The following ZNF385D variants were observed in gnomAD, a reference collection of about 807,000 sequenced individuals.
The protein encoded by ZNF385D is zinc finger protein 385D.
In ZNF385D, 15 loss-of-function variants were observed where a neutral mutation model predicts 35.8. The ratio of observed to expected loss-of-function variants is 0.42; its 90% CI spans 0.28 to 0.64. The LOEUF is 0.64. Among genes scored for constraint, ZNF385D ranks in the 30% least tolerant of loss-of-function variants. The probability of loss-of-function intolerance (pLI) is 0.23; values close to 1 mark genes in which losing one functional copy is unlikely to be tolerated. For synonymous variants in ZNF385D, 212 were observed against 186.8 expected (o/e 1.13, Z -1.10); for missense variants, 474 against 494.6 (o/e 0.96, Z 0.39).
At chr3:22,028,400 C>T (rs1218989143) in intron 3 of ZNF385D, among the ~76,000 whole-genome samples, 4 of 152,176 alleles carry the variant, frequency 2.6e-5, no homozygotes, top group African/African-American at 7.2e-5. Flanking sequence ...GCAACATGTA[C>T]TTCCACTCAC....
intron 3 of ZNF385D, among the ~76,000 whole-genome samples, chr3:22,137,111 T>C (rs1385748627): frequency 6.6e-6 from 1 of 152,176 alleles, no homozygotes; most frequent in Admixed American, 6.6e-5. Flanking sequence ...CCTAAACTAA[T>C]ATTTGGGGAG....
chr3:21,527,596 C>T (rs1164052277), intron 3 of ZNF385D, among the ~76,000 whole-genome samples: 1 of 152,094 alleles, frequency 6.6e-6, no homozygotes, highest in East Asian at 1.9e-4. Context: ...ATAGAAATAT[C>T]ATTAACTTCA....
At chr3:21,931,092 A>C (rs1057186210) in intron 3 of ZNF385D, among the ~76,000 whole-genome samples, 12 of 152,180 alleles carry the variant, frequency 7.9e-5, no homozygotes, top group East Asian at 7.7e-4. Context: ...TATATAAAGA[A>C]ATTTTTCAAT....
At chr3:21,680,038 G>A (rs1056981349) in intron 1 of ZNF385D, among the ~76,000 whole-genome samples, 14 of 152,022 alleles carry the variant, frequency 9.2e-5, no homozygotes, top group African/African-American at 2.2e-4. Flanking sequence ...AATCTGGGAC[G>A]TAAATATTTA....
chr3:21,833,084 A>G (rs182440572), intron 3 of ZNF385D, among the ~76,000 whole-genome samples: 178 of 152,274 alleles, frequency 1.2e-3, no homozygotes, highest in African/African-American at 4.0e-3. Context: ...TCATTCATCA[A>G]TCAACGAATA....
intron 3 of ZNF385D, among the ~76,000 whole-genome samples, chr3:21,765,572 G>A (rs764688319): frequency 1.3e-5 from 2 of 152,028 alleles, no homozygotes; most frequent in Non-Finnish European, 2.9e-5. Context: ...TTGGTGATGG[G>A]CCCCGGAGCC....
At chr3:21,706,200 CT>C (rs1363124932) in intron 1 of ZNF385D, among the ~76,000 whole-genome samples, 2 of 152,018 alleles carry the variant, frequency 1.3e-5, no homozygotes, top group African/African-American at 4.8e-5. Flanking sequence ...GACATACAAC[CT>C]TATGTGATTT....
chr3:22,336,234 T>C (rs1695154197), intron 2 of ZNF385D, among the ~76,000 whole-genome samples: 1 of 152,160 alleles, frequency 6.6e-6, no homozygotes, highest in Non-Finnish European at 1.5e-5. Context: ...AAAGCCGCAT[T>C]CCATTATGAT....
At chr3:22,041,871 G>C (rs1425403576) in intron 3 of ZNF385D, among the ~76,000 whole-genome samples, 1 of 151,984 alleles carries the variant, frequency 6.6e-6, no homozygotes, top group Non-Finnish European at 1.5e-5. Flanking sequence ...AGTTCAATCA[G>C]GTTATAATAT....
At chr3:22,371,729 A>G (rs1468779840) in intron 2 of ZNF385D, among the ~76,000 whole-genome samples, 1 of 152,130 alleles carries the variant, frequency 6.6e-6, no homozygotes, top group Non-Finnish European at 1.5e-5. Flanking sequence ...TCCTCCAGGT[A>G]CTCAATGGAA....
Position 22,124,131 on chromosome 3 carries a change from T to C in ZNF385D, c.325+44686A>G, listed in dbSNP as rs556295300. Among the ~76,000 whole-genome samples, 4 of 151,918 alleles carry C rather than the reference T, an allele frequency of 2.6e-5. No homozygotes were observed. In the East Asian group the frequency reaches 7.8e-4, roughly 29 times the overall value. On this transcript the variant is annotated intron_variant, in intron 3 of 5. Coordinates refer to the ZNF385D transcript ENST00000494108. ...CTGGTAACCGTTATTCTACTCTCTATCTCCCCGAGTTCAACTGTATTAATT... is the reference window on the plus strand; with the variant it reads ...CTGGTAACCGTTATTCTACTCTCTACCTCCCCGAGTTCAACTGTATTAATT...
At chr3:21,569,840 T>C (rs1182557649) in intron 2 of ZNF385D, among the ~76,000 whole-genome samples, 2 of 141,746 alleles carry the variant, frequency 1.4e-5, no homozygotes, top group Non-Finnish European at 3.0e-5. Context: ...TTCTCACTCA[T>C]AGATGGGAAT....
intron 3 of ZNF385D, among the ~76,000 whole-genome samples, chr3:21,918,798 CATTTT>C (rs1348910650): frequency 6.6e-6 from 1 of 152,072 alleles, no homozygotes; most frequent in Non-Finnish European, 1.5e-5. Context: ...TATTTTTAAT[CATTTT>C]AGTTAAATTT....
intron 3 of ZNF385D, among the ~76,000 whole-genome samples, chr3:22,148,904 G>A (rs1360700756): frequency 6.6e-6 from 1 of 152,148 alleles, no homozygotes; most frequent in Non-Finnish European, 1.5e-5. Context: ...GAGATGACAT[G>A]AACCACAGGG....
intron 3 of ZNF385D, among the ~76,000 whole-genome samples, chr3:21,999,955 G>C (rs543469209): frequency 6.6e-6 from 1 of 152,166 alleles, no homozygotes; most frequent in South Asian, 2.1e-4. Flanking sequence ...GTTTGGAAGA[G>C]ATACACACAT....
At chr3:21,840,910 G>A (rs1424836193) in intron 3 of ZNF385D, among the ~76,000 whole-genome samples, 1 of 152,004 alleles carries the variant, frequency 6.6e-6, no homozygotes, top group Non-Finnish European at 1.5e-5. Context: ...TTGAATAAAT[G>A]TCTATGACTG....
At chr3:21,968,869 A>G (rs1703069797) in intron 3 of ZNF385D, among the ~76,000 whole-genome samples, 1 of 152,192 alleles carries the variant, frequency 6.6e-6, no homozygotes, top group South Asian at 2.1e-4. Context: ...TTTGCCTCAC[A>G]GCTTGGATAC....
intron 2 of ZNF385D, among the ~76,000 whole-genome samples, chr3:22,338,330 C>T (rs1695263939): frequency 6.6e-6 from 1 of 151,964 alleles, no homozygotes; most frequent in South Asian, 2.1e-4. Flanking sequence ...TCCATATGAT[C>T]TTTTTAGTTT....
intron 3 of ZNF385D, among the ~76,000 whole-genome samples, chr3:21,890,506 C>G (rs1304690689): frequency 1.3e-5 from 2 of 152,108 alleles, no homozygotes; most frequent in Admixed American, 1.3e-4. Context: ...GTAATCCCAG[C>G]TACTCAGGAG....
Sources: allele counts gnomAD v4.1 joint callset (sites outside exome capture counted in the v4.1 genomes callset), GRCh38; gene constraint gnomAD v4.1.1; transcripts MANE v1.5; gene names NCBI Gene and HGNC (gene_info 2026-07-23, HGNC 2026-07-21).